The following SLC6A13 variants were observed in gnomAD, a reference collection of about 807,000 sequenced individuals.
SLC6A13 encodes the protein solute carrier family 6 member 13, also known as sodium- and chloride-dependent GABA transporter 2.
SLC6A13 carries 69 observed loss-of-function variants against 72.9 expected under a neutral mutation model. The observed-to-expected ratio is 0.95, with a 90% confidence interval of 0.78 to 1.16. The LOEUF is 1.16. SLC6A13 is among the 50% of genes most tolerant of loss of function. The pLI, the probability that SLC6A13 is intolerant of heterozygous loss-of-function variation, is 0.00. For missense variants in SLC6A13, 735 were observed against 760.5 expected (o/e 0.97, Z 0.39); for synonymous variants, 303 against 303.0 (o/e 1.00, Z 0.00).
At chr12:245,799 A>G (rs1198704333) in intron 2 of SLC6A13, among the ~76,000 whole-genome samples, 3 of 152,140 alleles carry the variant, frequency 2.0e-5, no homozygotes, top group African/African-American at 7.2e-5. Context: ...CCTGGCCAAC[A>G]TGGTGAAACC....
In SLC6A13 at chr12:221,526, C is replaced by A. The variant is rs200832462; in HGVS notation, c.1536G>T (p.Leu512=). The A allele has an allele frequency of 9.4e-6, 15 of 1,595,292 alleles. No homozygotes were observed. In the Admixed American group the frequency reaches 2.4e-4, roughly 26 times the overall value. Residue 512 remains leucine, a synonymous_variant, in exon 14 of 15, where the codon CTG becomes CTT. Transcript: ENST00000343164. ...TGTAGGTCAGCGGAGTGTACTTTATCAGGGAGAAGAGAAAGGTGGCCTGAG... is the reference window on the plus strand; with the variant it reads ...TGTAGGTCAGCGGAGTGTACTTTATAAGGGAGAAGAGAAAGGTGGCCTGAG... ...AVCTATFLFS[L]IKYTPLTYNK... is the part of the protein sequence containing the mutation.
At chr12:257,815 T>C (rs922401617) in intron 2 of SLC6A13, among the ~76,000 whole-genome samples, 1 of 152,188 alleles carries the variant, frequency 6.6e-6, no homozygotes, top group Admixed American at 6.5e-5. Context: ...CCCAGTGCTT[T>C]GCATTAGACC....
chr12:237,541 T>C (rs7961138), intron 5 of SLC6A13, among the ~76,000 whole-genome samples: 16,890 of 150,908 alleles, frequency 0.11, 997 homozygotes, highest in African/African-American at 0.15. Flanking sequence ...CACCTATGTT[T>C]CCAACCAGGG....
chr12:227,441 G>A (rs1321482646), intron 8 of SLC6A13, 124 bp downstream of exon 8: 12 of 1,504,334 alleles, frequency 8.0e-6, no homozygotes, highest in East Asian at 4.9e-5. Flanking sequence ...TGTTGGATAT[G>A]GGGGTGTAGA....
intron 5 of SLC6A13, 96 bp downstream of exon 5, chr12:237,830 C>G: frequency 1.1e-6 from 1 of 910,040 alleles, no homozygotes; most frequent in Non-Finnish European, 1.8e-6. Context: ...AAATTCTTCC[C>G]TTGCTGTCCA....
chr12:240,389 G>A (rs1591844706), intron 4 of SLC6A13, among the ~76,000 whole-genome samples: 1 of 152,182 alleles, frequency 6.6e-6, no homozygotes, highest in East Asian at 1.9e-4. Context: ...ATTTTCAGTA[G>A]AGATGGGGTT....
chr12:252,117 T>C (rs957708002), intron 2 of SLC6A13, among the ~76,000 whole-genome samples: 1 of 152,238 alleles, frequency 6.6e-6, no homozygotes, highest in Admixed American at 6.5e-5. Context: ...ATGAAAACTA[T>C]AAATGAAACC....
chr12:243,928 T>A, intron 2 of SLC6A13, 115 bp from the exon 3 acceptor site: 1 of 924,830 alleles, frequency 1.1e-6, no homozygotes, highest in Non-Finnish European at 1.6e-6. Flanking sequence ...GCAGAGAACA[T>A]GCAAAACTGC....
At chr12:222,313 C>A (rs754110210) in intron 13 of SLC6A13, among the ~76,000 whole-genome samples, 1 of 152,158 alleles carries the variant, frequency 6.6e-6, no homozygotes, top group African/African-American at 2.4e-5. Context: ...TTGGTCAAAC[C>A]GTCTGACAGC....
chr12:231,258 G>A (rs1445525164), intron 7 of SLC6A13, among the ~76,000 whole-genome samples: 1 of 152,200 alleles, frequency 6.6e-6, no homozygotes, highest in Admixed American at 6.5e-5. Flanking sequence ...CTCAAACAGC[G>A]AGCCTGGCAG....
chr12:242,715 T>G lies in SLC6A13; in HGVS notation c.377A>C (p.Asn126Thr). 1 of 1,603,448 alleles carries G rather than the reference T, an allele frequency of 6.2e-7. No homozygotes were observed. The highest frequency in any genetic ancestry group is 2.2e-5 in the East Asian group (1 of 44,628). The part of the protein sequence containing the change: ...YASQMIVILL[N>T]VYYIIVLAWA... ...GGCCAACACAATGATGTAGTAGACG[T>G]TGAGGAGGATGACGATCATCTGGGA... Residue 126 changes from asparagine to threonine, a missense_variant, in exon 4 of 15, where the codon AAC (asparagine) becomes ACC (threonine). Coordinates refer to ENST00000343164, the MANE Select transcript of SLC6A13 (RefSeq NM_016615.5).
chr12:242,496 T>A (rs1290254240), intron 4 of SLC6A13, 118 bp downstream of exon 4: 1 of 786,784 alleles, frequency 1.3e-6, no homozygotes, highest in African/African-American at 1.7e-5. Flanking sequence ...AAGCTCTCCA[T>A]GGTCGACTTG....
intron 2 of SLC6A13, among the ~76,000 whole-genome samples, chr12:247,355 A>G (rs1000139930): frequency 2.0e-5 from 3 of 152,198 alleles, no homozygotes; most frequent in Non-Finnish European, 1.5e-5. Flanking sequence ...AACGACACAT[A>G]TGTACAGACA....
chr12:247,787 CAT>C lies in SLC6A13; in HGVS notation c.203-3976_203-3975del, dbSNP rs1045556372. ...AAACAATGTAATATTGATTTTATAA[CAT>C]ATAAAAATGTATAAGAAGAGCACAA... is the stretch of plus-strand genomic sequence containing the variant. On this transcript the variant is annotated intron_variant, in intron 2 of 14. Coordinates refer to ENST00000343164, the MANE Select transcript of SLC6A13 (RefSeq NM_016615.5). 5.5e-4 allele frequency among the ~76,000 whole-genome samples: 84 copies of C among 151,792 alleles called. 2 individuals are homozygous for C. The highest frequency in any genetic ancestry group is 4.4e-5 in the Non-Finnish European group (3 of 67,932).
At chr12:223,040 A>G in intron 12 of SLC6A13, 92 bp downstream of exon 12, 1 of 770,026 alleles carries the variant, frequency 1.3e-6, no homozygotes, top group Non-Finnish European at 2.2e-6. Flanking sequence ...GGAAAAGTTA[A>G]GTGCGAGCAG....
rs553786567 is a variant in SLC6A13, at chr12:257,902, C to T, written c.202+1949G>A. Among the ~76,000 whole-genome samples the T allele has an allele frequency of 1.3e-4, 20 of 152,298 alleles. No individual in the cohort carries two copies. The East Asian group carries it at 3.3e-3, about 25-fold the overall frequency. ...CAACCTTTACCCAATTCCAGAGAGG[C>T]TTGGGGAAAGCTGCTCACCTCCTAA... is the stretch of plus-strand genomic sequence containing the variant. On this transcript the variant is annotated intron_variant, in intron 2 of 14. Coordinates refer to ENST00000343164, the MANE Select transcript of SLC6A13 (RefSeq NM_016615.5).
chr12:232,131 G>A (rs908087282), intron 7 of SLC6A13, among the ~76,000 whole-genome samples: 6 of 152,182 alleles, frequency 3.9e-5, no homozygotes, highest in East Asian at 1.9e-4. Flanking sequence ...GAGTAAGCAC[G>A]CCCTAGTTGT....
At chr12:236,344 C>A (rs1166797811) in intron 6 of SLC6A13, among the ~76,000 whole-genome samples, 1 of 152,204 alleles carries the variant, frequency 6.6e-6, no homozygotes, top group Non-Finnish European at 1.5e-5. Flanking sequence ...TGATGTCACC[C>A]CCAGCGGCCC....
intron 4 of SLC6A13, among the ~76,000 whole-genome samples, chr12:238,521 C>G (rs1001498419): frequency 2.6e-5 from 4 of 152,156 alleles, no homozygotes; most frequent in Admixed American, 2.6e-4. Context: ...AGATCCATTA[C>G]GTAGGATTGA....
Sources: allele counts gnomAD v4.1 joint callset (sites outside exome capture counted in the v4.1 genomes callset), GRCh38; gene constraint gnomAD v4.1.1; transcripts MANE v1.5; gene names NCBI Gene and HGNC (gene_info 2026-07-23, HGNC 2026-07-21).